The following MTCL2 variants were observed in gnomAD, a reference collection of about 807,000 sequenced individuals.
The protein encoded by MTCL2 is microtubule crosslinking factor 2.
the MTCL2 span, among the ~76,000 whole-genome samples, chr20:36,844,564 C>G: frequency 6.6e-6 from 1 of 151,570 alleles, no homozygotes; most frequent in Non-Finnish European, 1.5e-5. Flanking sequence ...TGGTAGTGCA[C>G]CTGTGGCCCC....
the MTCL2 span, chr20:36,794,103 C>T: frequency 1.5e-5 from 24 of 1,551,336 alleles, no homozygotes; most frequent in South Asian, 3.6e-5. The surrounding 1 kb of genome is among the most constrained non-coding windows in gnomAD (Gnocchi z 5.4). Context: ...GCTGGGAAGC[C>T]AGGCCCGGCC....
At chr20:36,796,777 G>T in the MTCL2 span, 2 of 1,095,980 alleles carry the variant, frequency 1.8e-6, no homozygotes. Flanking sequence ...GGGCAGGGCT[G>T]CGGTGAAAGC....
the MTCL2 span, among the ~76,000 whole-genome samples, chr20:36,849,456 A>G: frequency 6.6e-5 from 10 of 151,808 alleles, no homozygotes; most frequent in Middle Eastern, 3.5e-3. Context: ...ATTCTTTAAG[A>G]CAGGGTCCCT....
chr20:36,861,526 G>T, the MTCL2 span, among the ~76,000 whole-genome samples: 2 of 151,474 alleles, frequency 1.3e-5, no homozygotes, highest in Non-Finnish European at 2.9e-5. Context: ...AGCCCATTTG[G>T]TCAGAAGAGC....
At chr20:36,861,130 C>G in the MTCL2 span, among the ~76,000 whole-genome samples, 2 of 152,136 alleles carry the variant, frequency 1.3e-5, no homozygotes. Flanking sequence ...CTCAGAGTTT[C>G]GGTTAAGGCC....
the MTCL2 span, among the ~76,000 whole-genome samples, chr20:36,812,221 C>G: frequency 6.6e-6 from 1 of 152,170 alleles, no homozygotes; most frequent in Admixed American, 6.5e-5. Context: ...GTGGACCATG[C>G]CTTAAGCTAT....
chr20:36,829,226 G>T, the MTCL2 span: 1 of 1,597,812 alleles, frequency 6.3e-7, no homozygotes, highest in Non-Finnish European at 8.5e-7. Flanking sequence ...TGCAGGGGTG[G>T]GAGAGAGAAG....
chr20:36,841,054 A>C, the MTCL2 span, among the ~76,000 whole-genome samples: 1 of 150,112 alleles, frequency 6.7e-6, no homozygotes, highest in African/African-American at 2.5e-5. Flanking sequence ...TCGCACCTCT[A>C]ATCCCGGCAC....
At chr20:36,819,793 T>A in the MTCL2 span, among the ~76,000 whole-genome samples, 2 of 152,114 alleles carry the variant, frequency 1.3e-5, no homozygotes, top group African/African-American at 4.8e-5. Context: ...TAAAGAGACC[T>A]TTTGAAATGC....
the MTCL2 span, among the ~76,000 whole-genome samples, chr20:36,842,866 G>C: frequency 6.6e-6 from 1 of 152,190 alleles, no homozygotes; most frequent in Non-Finnish European, 1.5e-5. Flanking sequence ...GGATGGCAGT[G>C]ATGGAAGCAG....
the MTCL2 span, chr20:36,808,769 AC>A: frequency 1.3e-6 from 2 of 1,546,698 alleles, no homozygotes; most frequent in Non-Finnish European, 8.7e-7. Flanking sequence ...AGCTTGAGCA[AC>A]CCCAGGGCCC....
At chr20:36,798,558 T>C in the MTCL2 span, among the ~76,000 whole-genome samples, 2 of 152,158 alleles carry the variant, frequency 1.3e-5, no homozygotes, top group Non-Finnish European at 2.9e-5. Flanking sequence ...CTCTGGAGGA[T>C]TGCCTTGGGC....
chr20:36,796,865 G>A, the MTCL2 span: 1 of 1,613,592 alleles, frequency 6.2e-7, no homozygotes, highest in South Asian at 1.1e-5. Flanking sequence ...CAGAGCAGGG[G>A]ACCAGCATGC....
the MTCL2 span, chr20:36,778,394 T>C: frequency 6.6e-6 from 1 of 152,242 alleles, no homozygotes; most frequent in African/African-American, 2.4e-5. Context: ...CTCCACAAGC[T>C]CTAATTCAGT....
chr20:36,834,689 GTTC>G, the MTCL2 span, among the ~76,000 whole-genome samples: 5 of 152,120 alleles, frequency 3.3e-5, no homozygotes, highest in African/African-American at 1.2e-4. Context: ...TGCTGTGTGA[GTTC>G]TTCTCAGCAA....
chr20:36,812,716 G>A, the MTCL2 span: 5 of 1,613,880 alleles, frequency 3.1e-6, no homozygotes, highest in East Asian at 1.1e-4. Flanking sequence ...CAGAGGCATA[G>A]GAATCATTGT....
chr20:36,863,251 G>A, the MTCL2 span: 2 of 1,197,250 alleles, frequency 1.7e-6, no homozygotes, highest in Non-Finnish European at 2.1e-6. The surrounding 1 kb of genome is among the most constrained non-coding windows in gnomAD (Gnocchi z 6.2). Flanking sequence ...GACGGCGCGC[G>A]GTGGCTCTTT....
chr20:36,786,462 A>C, the MTCL2 span: 3 of 1,512,654 alleles, frequency 2.0e-6, no homozygotes, highest in Non-Finnish European at 2.7e-6. Context: ...GGGCTGGTTG[A>C]GGCGGGGAGC....
chr20:36,846,192 C>T, the MTCL2 span, among the ~76,000 whole-genome samples: 4 of 149,520 alleles, frequency 2.7e-5, no homozygotes, highest in Non-Finnish European at 5.9e-5. Flanking sequence ...GGCAACAGAG[C>T]GAGACTGTGT....
Sources: gnomAD v4.1 joint callset for allele counts (sites outside exome capture counted in the v4.1 genomes callset) on GRCh38, gnomAD v4.1.1 for gene constraint, Gnocchi (gnomAD v3.1) non-coding constraint, MANE v1.5 for transcripts, NCBI Gene and HGNC (gene_info 2026-07-23, HGNC 2026-07-21) for gene names.